KCNH1: variants seen among roughly 807,000 people sequenced by gnomAD.
The protein encoded by KCNH1 is potassium voltage-gated channel subfamily H member 1.
A neutral mutation model predicts 69.2 loss-of-function variants in KCNH1; 27 were observed. The ratio of observed to expected loss-of-function variants is 0.39; its 90% CI spans 0.29 to 0.54. The LOEUF (loss-of-function observed/expected upper bound fraction) is 0.54. Among genes scored for constraint, KCNH1 ranks in the 20% least tolerant of loss-of-function variants. The pLI is 0.68. For missense variants in KCNH1, 798 were observed against 1,261.6 expected, an observed-to-expected ratio of 0.63 and a Z score of 5.57; for synonymous variants, 456 against 487.7, an observed-to-expected ratio of 0.93 and a Z score of 0.86.
At chr1:210,839,390 C>G (rs1196439161) in intron 7 of KCNH1, among the ~76,000 whole-genome samples, 5 of 151,788 alleles carry the variant, frequency 3.3e-5, no homozygotes, top group Non-Finnish European at 5.9e-5. Flanking sequence ...TGGGGAACAA[C>G]AAACGCTGGG....
Position 211,087,565 on chromosome 1 carries a change from G to T in KCNH1, c.439+2997C>A, listed in dbSNP as rs537736711. The stretch of plus-strand genomic sequence containing the variant: ...TGGAGCATCACAGATTCTCATTTTA[G>T]GCAGGAATTTCTACCTACTCTCTCA... On this transcript the variant is annotated intron_variant, in intron 4 of 10. Coordinates refer to ENST00000271751, the MANE Select transcript of KCNH1 (RefSeq NM_172362.3). 1.7e-4 allele frequency among the ~76,000 whole-genome samples: 25 copies of T among 150,428 alleles called. No homozygotes were observed. In the South Asian group the frequency reaches 5.1e-3, roughly 30 times the overall value.
intron 3 of KCNH1, among the ~76,000 whole-genome samples, chr1:211,092,081 A>T (rs1691062651): frequency 6.6e-6 from 1 of 152,242 alleles, no homozygotes; most frequent in Non-Finnish European, 1.5e-5. Flanking sequence ...AATCAAAATA[A>T]AGTAGCTATT....
intron 6 of KCNH1, among the ~76,000 whole-genome samples, chr1:211,002,792 A>T (rs1689213167): frequency 6.6e-6 from 1 of 152,148 alleles, no homozygotes; most frequent in Non-Finnish European, 1.5e-5. Flanking sequence ...AGAAAAGGTT[A>T]AAAAATACAA....
At position 211,019,187 on chromosome 1, in the gene KCNH1, T is replaced by C; in HGVS notation, c.628A>G (p.Ile210Val). ...GTCTTAAAAACACAATAATGTAAGA[T>C]GATGTGAGGGGGAGTCTTTGGTGCC... ...QEAPKTPPHI[I>V]LHYCVFKTTW... Residue 210 changes from isoleucine (I) to valine (V), a missense_variant, in exon 6 of 11, where the codon ATC (isoleucine) becomes GTC (valine). Physicochemically the swap from Ile to Val is conservative, Grantham distance 29. This residue lies in a region of KCNH1 where 266 missense variants were observed against 457.2 expected (regional missense o/e 0.58). Transcript: ENST00000271751. 1 of 1,613,708 alleles carries C rather than the reference T, an allele frequency of 6.2e-7. No homozygotes were observed. The highest frequency in any genetic ancestry group is 8.5e-7 in the Non-Finnish European group (1 of 1,179,930).
chr1:210,947,308 GCCTGTAAT>G (rs1197443929), intron 6 of KCNH1, among the ~76,000 whole-genome samples: 1 of 152,136 alleles, frequency 6.6e-6, no homozygotes, highest in Non-Finnish European at 1.5e-5. Flanking sequence ...GGTGGCTCAT[GCCTGTAAT>G]CCCAGCACTT....
At chr1:211,005,889 AT>A (rs1386207475) in intron 6 of KCNH1, among the ~76,000 whole-genome samples, 1 of 152,152 alleles carries the variant, frequency 6.6e-6, no homozygotes, top group Non-Finnish European at 1.5e-5. Context: ...CTACAAATCA[AT>A]TTTTTAATAA....
intron 3 of KCNH1, among the ~76,000 whole-genome samples, chr1:211,093,441 A>G (rs1044834138): frequency 6.6e-6 from 1 of 152,030 alleles, no homozygotes; most frequent in Non-Finnish European, 1.5e-5. Context: ...GCATGCCACC[A>G]CACCTGGCTA....
At chr1:210,966,520 A>C (rs2102362289) in intron 6 of KCNH1, among the ~76,000 whole-genome samples, 1 of 152,344 alleles carries the variant, frequency 6.6e-6, no homozygotes, top group Admixed American at 6.5e-5. Context: ...TCTACAAAGA[A>C]CTTATTTACA....
intron 7 of KCNH1, among the ~76,000 whole-genome samples, chr1:210,913,258 A>G (rs1374862237): frequency 1.3e-5 from 2 of 152,234 alleles, no homozygotes; most frequent in African/African-American, 4.8e-5. Context: ...TTTTTCTCCT[A>G]AAAAATTCTG....
At chr1:211,070,926 C>A (rs1257254286) in intron 5 of KCNH1, among the ~76,000 whole-genome samples, 1 of 152,008 alleles carries the variant, frequency 6.6e-6, no homozygotes, top group East Asian at 1.9e-4. Flanking sequence ...GACACCGATG[C>A]CCCCACACAG....
chr1:210,958,845 T>C (rs1688241730), intron 6 of KCNH1, among the ~76,000 whole-genome samples: 2 of 152,240 alleles, frequency 1.3e-5, no homozygotes, highest in East Asian at 3.8e-4. Flanking sequence ...TTCCTTGCGA[T>C]GGGTTAGAAC....
intron 9 of KCNH1, among the ~76,000 whole-genome samples, chr1:210,784,643 A>C (rs1684059009): frequency 6.6e-6 from 1 of 152,196 alleles, no homozygotes; most frequent in Non-Finnish European, 1.5e-5. Context: ...TATGCCTAGA[A>C]AAGTTTTGTC....
At chr1:211,124,865 C>T (rs1691750722) in intron 1 of KCNH1, among the ~76,000 whole-genome samples, 1 of 152,122 alleles carries the variant, frequency 6.6e-6, no homozygotes. Context: ...TACCTTGCAC[C>T]TTGGTATAAG....
chr1:210,957,297 G>C (rs1433567923), intron 6 of KCNH1, among the ~76,000 whole-genome samples: 1 of 152,122 alleles, frequency 6.6e-6, no homozygotes, highest in African/African-American at 2.4e-5. Flanking sequence ...TGTGATTTCT[G>C]TTCTTCTACA....
chr1:210,699,282 C>T (rs1681716848), intron 10 of KCNH1, among the ~76,000 whole-genome samples: 1 of 152,290 alleles, frequency 6.6e-6, no homozygotes, highest in Non-Finnish European at 1.5e-5. Flanking sequence ...AGAATGTGGC[C>T]CTCATGTGTC....
chr1:210,969,756 T>C (rs549001918), intron 6 of KCNH1, among the ~76,000 whole-genome samples: 1 of 152,292 alleles, frequency 6.6e-6, no homozygotes, highest in East Asian at 1.9e-4. Flanking sequence ...AATTTCTACT[T>C]TCATCTTTAG....
At chr1:210,693,146 ATTAC>A (rs752851274) in intron 10 of KCNH1, among the ~76,000 whole-genome samples, 1 of 152,312 alleles carries the variant, frequency 6.6e-6, no homozygotes, top group South Asian at 2.1e-4. Context: ...CCCTGAGGAA[ATTAC>A]TTGATCTTTC....
chr1:210,771,885 T>C (rs1170790517), intron 10 of KCNH1, among the ~76,000 whole-genome samples: 1 of 152,166 alleles, frequency 6.6e-6, no homozygotes, highest in African/African-American at 2.4e-5. Flanking sequence ...AAATGCTGGA[T>C]TTGCCTCCAG....
chr1:210,994,315 T>C (rs887667889), intron 6 of KCNH1, among the ~76,000 whole-genome samples: 3 of 152,204 alleles, frequency 2.0e-5, no homozygotes, highest in African/African-American at 4.8e-5. Flanking sequence ...TGAATGCCTA[T>C]TGTGTGCCAG....
Sources: allele counts gnomAD v4.1 joint callset (sites outside exome capture counted in the v4.1 genomes callset), GRCh38; gene constraint gnomAD v4.1.1; regional missense constraint gnomAD v4.1.1; transcripts MANE v1.5; gene names NCBI Gene and HGNC (gene_info 2026-07-23, HGNC 2026-07-21).